Variants in CCM2 observed in about 807,000 individuals in gnomAD.
The protein encoded by CCM2 is CCM2 scaffold protein.
A neutral mutation model predicts 44.9 loss-of-function variants in CCM2; 25 were observed. The ratio of observed to expected loss-of-function variants is 0.56; its 90% CI spans 0.41 to 0.78. The LOEUF is 0.78. Among genes scored for constraint, CCM2 ranks in the 30% least tolerant of loss-of-function variants. The pLI, the probability that CCM2 is intolerant of heterozygous loss-of-function variation, is 0.00. For missense variants in CCM2, 481 were observed against 580.6 expected (o/e 0.83, Z 1.76); for synonymous variants, 219 against 241.1 (o/e 0.91, Z 0.85).
At chr7:45,038,005 G>A (rs1797306381) in intron 1 of CCM2, among the ~76,000 whole-genome samples, 1 of 152,146 alleles carries the variant, frequency 6.6e-6, no homozygotes, top group Non-Finnish European at 1.5e-5. Flanking sequence ...GTAGGAACAG[G>A]TGAAGAACAA....
chr7:45,016,122 G>T (rs1002667303), intron 1 of CCM2, among the ~76,000 whole-genome samples: 1 of 152,186 alleles, frequency 6.6e-6, no homozygotes, highest in African/African-American at 2.4e-5. Context: ...CAACCTGTAG[G>T]CTGGCCATCC....
intron 1 of CCM2, among the ~76,000 whole-genome samples, chr7:45,014,457 C>T (rs904663604): frequency 6.6e-6 from 1 of 151,816 alleles, no homozygotes; most frequent in Non-Finnish European, 1.5e-5. Flanking sequence ...TTTTTAATTG[C>T]AGTAAAAAAG....
intron 1 of CCM2, among the ~76,000 whole-genome samples, chr7:45,035,843 A>G (rs1042015204): frequency 9.9e-5 from 15 of 152,120 alleles, no homozygotes; most frequent in Non-Finnish European, 7.3e-5. Context: ...ATATATATGT[A>G]TAGACAGCAG....
intron 1 of CCM2, among the ~76,000 whole-genome samples, chr7:45,022,586 A>G (rs926624704): frequency 6.6e-6 from 1 of 151,686 alleles, no homozygotes; most frequent in Non-Finnish European, 1.5e-5. Flanking sequence ...GATTACAGGC[A>G]TGAGCCACCG....
chr7:45,071,193 G>A (rs1454129401), intron 6 of CCM2: 1 of 152,520 alleles, frequency 6.6e-6, no homozygotes, highest in Non-Finnish European at 1.5e-5. Flanking sequence ...TGTACCATAT[G>A]AGTAGCAGAT....
intron 2 of CCM2, among the ~76,000 whole-genome samples, chr7:45,052,106 C>T (rs1013612408): frequency 6.6e-6 from 1 of 152,246 alleles, no homozygotes; most frequent in Non-Finnish European, 1.5e-5. Context: ...ACATCGGAAA[C>T]CACATGCTCC....
intron 1 of CCM2, among the ~76,000 whole-genome samples, chr7:45,011,635 TCTGCCTC>T (rs2128714271): frequency 6.6e-6 from 1 of 152,166 alleles, no homozygotes; most frequent in East Asian, 1.9e-4. Context: ...CACTGCAACC[TCTGCCTC>T]CTGGTTTCAA....
intron 2 of CCM2, among the ~76,000 whole-genome samples, chr7:45,039,531 C>T (rs1480669627): frequency 3.9e-5 from 6 of 152,156 alleles, no homozygotes; most frequent in Admixed American, 3.9e-4. Flanking sequence ...AGTATAAGTA[C>T]ACATTTGAGG....
intron 2 of CCM2, among the ~76,000 whole-genome samples, chr7:45,050,835 T>A (rs1351635161): frequency 6.6e-6 from 1 of 152,210 alleles, no homozygotes; most frequent in Non-Finnish European, 1.5e-5. Context: ...TTGGTTCTCT[T>A]GCAGCAGAGC....
intron 1 of CCM2, among the ~76,000 whole-genome samples, chr7:45,023,014 T>A (rs1475564977): frequency 6.6e-6 from 1 of 152,026 alleles, no homozygotes; most frequent in Non-Finnish European, 1.5e-5. Flanking sequence ...GTGCTGGGAT[T>A]ACAGGCATGA....
At chr7:45,045,108 A>G (rs62458106) in intron 2 of CCM2, among the ~76,000 whole-genome samples, 20,304 of 152,214 alleles carry the variant, frequency 0.13, 1,665 homozygotes, top group Middle Eastern at 0.22. Flanking sequence ...TCTATCTGAC[A>G]TTAACTTATT....
At chr7:45,008,613 C>T (rs368692899) in intron 1 of CCM2, among the ~76,000 whole-genome samples, 14 of 151,336 alleles carry the variant, frequency 9.3e-5, no homozygotes, top group Admixed American at 3.3e-4. Flanking sequence ...CCACCTACCT[C>T]GGCCTCCCAA....
At position 45,000,324 on chromosome 7, in the gene CCM2, ACGCGGC is replaced by A. The variant is rs1795540340; in HGVS notation, c.-9_-4del. On this transcript the variant is annotated 5_prime_UTR_variant, in exon 1 of 10. Transcript: ENST00000258781. ...GGGCCGGGCGGGCCGCGGGAGCCGC[ACGCGGC>A]GATATGGAAGAGGAGGGCAAGAAGG... 1 of 1,247,018 alleles carries A rather than the reference ACGCGGC, an allele frequency of 8.0e-7. No homozygotes were observed. Among genetic ancestry groups the A allele is most frequent in the African/African-American group, 1.6e-5 (1 of 61,982 alleles). 77.2% of individuals were successfully genotyped at this position (1,247,018 alleles called of 1,614,324 possible).
intron 2 of CCM2, chr7:45,063,317 C>T (rs1177833713): frequency 6.5e-6 from 1 of 154,466 alleles, no homozygotes; most frequent in Non-Finnish European, 1.4e-5. Context: ...GGTGATCTGC[C>T]CACCTTAGCC....
intron 2 of CCM2, among the ~76,000 whole-genome samples, chr7:45,042,683 A>C (rs1053964919): frequency 2.6e-5 from 4 of 152,192 alleles, no homozygotes; most frequent in Non-Finnish European, 4.4e-5. Flanking sequence ...CTCCACACAC[A>C]GTGGGCCAAA....
At chr7:45,011,306 C>T (rs1231457186) in intron 1 of CCM2, among the ~76,000 whole-genome samples, 1 of 151,794 alleles carries the variant, frequency 6.6e-6, no homozygotes, top group Non-Finnish European at 1.5e-5. Context: ...TAGTTATTCT[C>T]ATGCCTCAGC....
At chr7:45,059,964 A>C (rs1798447054) in intron 2 of CCM2, among the ~76,000 whole-genome samples, 1 of 152,190 alleles carries the variant, frequency 6.6e-6, no homozygotes, top group Non-Finnish European at 1.5e-5. Context: ...CAATACACAA[A>C]TTTTATTTTG....
At chr7:45,001,691 GA>G (rs1235018064) in intron 1 of CCM2, among the ~76,000 whole-genome samples, 1 of 151,532 alleles carries the variant, frequency 6.6e-6, no homozygotes, top group Non-Finnish European at 1.5e-5. Context: ...GGCAAGGATG[GA>G]ATTGAGTGAT....
At position 45,026,288 on chromosome 7, in the gene CCM2, C is replaced by T. The variant is rs563082046; in HGVS notation, c.31-11965C>T. Among the ~76,000 whole-genome samples the T allele has an allele frequency of 1.3e-3, 193 of 152,270 alleles. 1 individual carries two copies. Among genetic ancestry groups the T allele is most frequent in the Non-Finnish European group, 2.2e-3 (147 of 68,018 alleles). On this transcript the variant is annotated intron_variant, in intron 1 of 9. Coordinates refer to ENST00000258781, the MANE Select transcript of CCM2 (RefSeq NM_031443.4). ...CAGAAAGTGACAGTCCAGTTAATAC[C>T]GGATATTGACTCAAATCTAGTTCTG...
Sources: allele counts gnomAD v4.1 joint callset (sites outside exome capture counted in the v4.1 genomes callset), GRCh38; gene constraint gnomAD v4.1.1; transcripts MANE v1.5; gene names NCBI Gene and HGNC (gene_info 2026-07-23, HGNC 2026-07-21).